IL1RAPL1: variants seen among roughly 807,000 people sequenced by gnomAD.
IL1RAPL1 encodes the protein interleukin 1 receptor accessory protein like 1, also known as interleukin-1 receptor accessory protein-like 1.
A neutral mutation model predicts 48.4 loss-of-function variants in IL1RAPL1; 3 were observed. The observed-to-expected ratio is 0.06, with a 90% CI of 0.03 to 0.16. The LOEUF is 0.16. Among genes scored for constraint, IL1RAPL1 ranks in the 10% least tolerant of loss-of-function variants. The pLI, the probability that IL1RAPL1 is intolerant of heterozygous loss-of-function variation, is 1.00. For synonymous variants in IL1RAPL1, 185 were observed against 187.7 expected, an observed-to-expected ratio of 0.99 and a Z score of 0.12; for missense variants, 349 against 530.6, an observed-to-expected ratio of 0.66 and a Z score of 3.36.
At chrX:28,609,225 G>A (rs954285198) in intron 1 of IL1RAPL1, among the ~76,000 whole-genome samples, 1 of 111,757 alleles carries the variant, frequency 8.9e-6, no homozygotes, top group African/African-American at 3.2e-5. Context: ...GCACAAAGTA[G>A]CTGCTTGAAT....
intron 1 of IL1RAPL1, among the ~76,000 whole-genome samples, chrX:28,737,205 C>CTCTTTCTTTCTTTCTTTCTT (rs762616408): frequency 2.0e-4 from 10 of 50,293 alleles, no homozygotes; most frequent in Non-Finnish European, 2.8e-4. Context: ...TTCTTTCTTT[C>CTCTTTCTTTCTTTCTTTCTT]TCTTTCTTTC....
chrX:29,461,239 G>A (rs764480773), intron 5 of IL1RAPL1, among the ~76,000 whole-genome samples: 2 of 111,463 alleles, frequency 1.8e-5, no homozygotes, highest in Middle Eastern at 4.6e-3. Flanking sequence ...ATACCACATT[G>A]CACCCACTAG....
intron 1 of IL1RAPL1, among the ~76,000 whole-genome samples, chrX:28,692,343 A>C (rs1303787030): frequency 9.0e-6 from 1 of 111,630 alleles, no homozygotes; most frequent in Non-Finnish European, 1.9e-5. Flanking sequence ...GGTCATGGGC[A>C]GCCTATCATT....
At chrX:29,353,225 G>A (rs1478047884) in intron 3 of IL1RAPL1, among the ~76,000 whole-genome samples, 1 of 111,721 alleles carries the variant, frequency 9.0e-6, no homozygotes, top group African/African-American at 3.3e-5. Flanking sequence ...GGTGGAAAGA[G>A]AGTATTATTG....
At chrX:29,020,207 CTA>C (rs978193321) in intron 2 of IL1RAPL1, among the ~76,000 whole-genome samples, 1 of 112,222 alleles carries the variant, frequency 8.9e-6, no homozygotes, top group Admixed American at 9.4e-5. Flanking sequence ...GAATAATAAA[CTA>C]TTTTAAAATC....
intron 1 of IL1RAPL1, among the ~76,000 whole-genome samples, chrX:28,696,516 A>G (rs1468677410): frequency 9.0e-6 from 1 of 111,315 alleles, no homozygotes; most frequent in South Asian, 3.7e-4. Flanking sequence ...CAAAATAGGT[A>G]TAAGAGGAGG....
chrX:29,296,473 C>T (rs1437480630), intron 3 of IL1RAPL1, among the ~76,000 whole-genome samples: 1 of 110,893 alleles, frequency 9.0e-6, no homozygotes, highest in East Asian at 2.8e-4. Context: ...ATGGTTAGTA[C>T]TCTATCAGTA....
At chrX:28,618,285 T>A (rs750737038) in intron 1 of IL1RAPL1, among the ~76,000 whole-genome samples, 7 of 112,392 alleles carry the variant, frequency 6.2e-5, no homozygotes, top group Non-Finnish European at 1.1e-4. Context: ...TATCTGATTT[T>A]TCAGTGTTCT....
chrX:29,937,136 A>G (rs900875200), intron 8 of IL1RAPL1, among the ~76,000 whole-genome samples: 4 of 111,825 alleles, frequency 3.6e-5, no homozygotes, highest in African/African-American at 1.3e-4. Context: ...TTGCTTTACA[A>G]TTTTCAATAT....
chrX:29,213,799 C>T (rs1275408665), intron 2 of IL1RAPL1, among the ~76,000 whole-genome samples: 2 of 112,142 alleles, frequency 1.8e-5, no homozygotes, highest in Non-Finnish European at 3.8e-5. Flanking sequence ...AAAATTCAAG[C>T]GTAACTTCCC....
chrX:29,869,360 G>C (rs189213003), intron 6 of IL1RAPL1, among the ~76,000 whole-genome samples: 1 of 111,539 alleles, frequency 9.0e-6, no homozygotes, highest in Non-Finnish European at 1.9e-5. Flanking sequence ...GAGACTTTAC[G>C]AAAGGTAGGC....
chrX:29,296,979 T>G (rs1932459412), intron 3 of IL1RAPL1, among the ~76,000 whole-genome samples: 1 of 111,609 alleles, frequency 9.0e-6, no homozygotes, highest in African/African-American at 3.3e-5. Context: ...ATACAAAATC[T>G]GAGGTTATAA....
At chrX:28,875,991 C>G (rs1265372353) in intron 2 of IL1RAPL1, among the ~76,000 whole-genome samples, 1 of 111,698 alleles carries the variant, frequency 9.0e-6, no homozygotes, top group Non-Finnish European at 1.9e-5. Context: ...TTCTTCTTCT[C>G]TTGCCATGTA....
intron 2 of IL1RAPL1, among the ~76,000 whole-genome samples, chrX:28,946,780 T>A (rs890617367): frequency 1.8e-5 from 2 of 111,608 alleles, no homozygotes; most frequent in African/African-American, 6.5e-5. Context: ...CCATATGTTT[T>A]GATCATCTGC....
intron 6 of IL1RAPL1, among the ~76,000 whole-genome samples, chrX:29,822,728 T>C (rs1014981460): frequency 9.0e-6 from 1 of 111,459 alleles, no homozygotes; most frequent in East Asian, 2.8e-4. Context: ...CTCTATAGTG[T>C]TTAAAACATT....
chrX:28,919,266 G>C (rs1483218906), intron 2 of IL1RAPL1, among the ~76,000 whole-genome samples: 1 of 111,778 alleles, frequency 8.9e-6, no homozygotes, highest in Non-Finnish European at 1.9e-5. Context: ...ATCTGACTGT[G>C]ATCTGTTCAC....
chrX:28,957,242 C>A (rs1287016458), intron 2 of IL1RAPL1, among the ~76,000 whole-genome samples: 8 of 110,359 alleles, frequency 7.2e-5, no homozygotes, highest in African/African-American at 2.7e-4. Flanking sequence ...ATGTAACTAA[C>A]CTGCACAATG....
intron 2 of IL1RAPL1, among the ~76,000 whole-genome samples, chrX:28,855,708 C>A (rs1047701590): frequency 1.8e-5 from 2 of 111,274 alleles, no homozygotes; most frequent in Non-Finnish European, 1.9e-5. Flanking sequence ...GCATTTACTT[C>A]TAGTGCACCA....
chrX:29,064,082 A>G (rs1301528418), intron 2 of IL1RAPL1, among the ~76,000 whole-genome samples: 1 of 111,731 alleles, frequency 9.0e-6, no homozygotes, highest in African/African-American at 3.3e-5. Context: ...CCTACCCAAG[A>G]GTAGGGCAGA....
Sources: gnomAD v4.1 joint callset for allele counts (sites outside exome capture counted in the v4.1 genomes callset) on GRCh38, gnomAD v4.1.1 for gene constraint, MANE v1.5 for transcripts, NCBI Gene and HGNC (gene_info 2026-07-23, HGNC 2026-07-21) for gene names.